The following CFAP100 variants were observed in gnomAD, a reference collection of about 807,000 sequenced individuals.
The protein encoded by CFAP100 is cilia and flagella associated protein 100, also known as cilia- and flagella-associated protein 100.
Under a neutral mutation model 81.5 loss-of-function variants are expected in CFAP100, and 70 were observed. The observed-to-expected ratio is 0.86, with a 90% CI of 0.71 to 1.05. The LOEUF (loss-of-function observed/expected upper bound fraction) is 1.05, where lower values mean the gene tolerates loss of function less well. Among genes scored for constraint, CFAP100 ranks in the 50% least tolerant of loss-of-function variants. The pLI is 0.00. For missense variants in CFAP100, 811 were observed against 776.5 expected (o/e 1.04, Z -0.53); for synonymous variants, 341 against 314.8 (o/e 1.08, Z -0.88).
chr3:126,399,304 A>G (rs1038667744), intron 2 of CFAP100, among the ~76,000 whole-genome samples: 5 of 152,188 alleles, frequency 3.3e-5, no homozygotes, highest in African/African-American at 1.2e-4. Flanking sequence ...AAAACCTGTT[A>G]GCCTGCAAGC....
At chr3:126,415,624 G>A (rs2083223519) in intron 4 of CFAP100, among the ~76,000 whole-genome samples, 2 of 152,206 alleles carry the variant, frequency 1.3e-5, no homozygotes, top group Non-Finnish European at 2.9e-5. Flanking sequence ...GTAGGTCCCA[G>A]CAGGAAACGG....
chr3:126,404,810 G>A (rs2083038356), intron 2 of CFAP100, among the ~76,000 whole-genome samples: 1 of 152,134 alleles, frequency 6.6e-6, no homozygotes, highest in Admixed American at 6.5e-5. Flanking sequence ...AATGAGCTGG[G>A]ACTACAGGTG....
Position 126,416,414 on chromosome 3 carries a change from G to A in CFAP100, c.324G>A (p.Leu108=), listed in dbSNP as rs1417778454. The change falls in exon 5 of 17, where the codon CTG becomes CTA. Residue 108 remains leucine, a synonymous_variant. Coordinates refer to ENST00000352312, the MANE Select transcript of CFAP100 (RefSeq NM_182628.3). ...KHTSLRRQLQ[L]EDKQEDLEAR... is the part of the protein sequence containing the mutation. Reference sequence around the variant, plus strand: ...CCAGCCTGCGGCGGCAGCTGCAGCTGGAGGACAAGCAGGAGGACCTGGAGG... The same window carrying A: ...CCAGCCTGCGGCGGCAGCTGCAGCTAGAGGACAAGCAGGAGGACCTGGAGG... The A allele has an allele frequency of 6.2e-7, 1 of 1,612,034 alleles. No individual in the cohort carries two copies. Among genetic ancestry groups the A allele is most frequent in the Admixed American group, 1.7e-5 (1 of 59,928 alleles).
At position 126,433,207 on chromosome 3, in the gene CFAP100, A is replaced by T. The variant is rs1273449078; in HGVS notation, c.1422+3A>T. The stretch of plus-strand genomic sequence containing the variant: ...GCGAGTACAAGGGCGATCAGCAGGT[A>T]GGCTGGGGATCAAGGTGGCCAGAGG... On this transcript the variant is annotated splice_donor_region_variant and intron_variant, in intron 14 of 16. Coordinates refer to ENST00000352312, the MANE Select transcript of CFAP100 (RefSeq NM_182628.3). 6.2e-7 allele frequency: 1 copy of T among 1,614,096 alleles called. No individual in the cohort carries two copies. Among genetic ancestry groups the T allele is most frequent in the Non-Finnish European group, 8.5e-7 (1 of 1,179,960 alleles).
At chr3:126,435,804 TC>T in intron 16 of CFAP100, 152 bp downstream of exon 16, 1 of 603,500 alleles carries the variant, frequency 1.7e-6, no homozygotes, top group Non-Finnish European at 2.9e-6. Flanking sequence ...GCAAGGCCTC[TC>T]CCAGGACCTG....
intron 2 of CFAP100, among the ~76,000 whole-genome samples, chr3:126,398,944 C>T (rs766385362): frequency 1.3e-5 from 2 of 152,144 alleles, no homozygotes; most frequent in Non-Finnish European, 2.9e-5. Flanking sequence ...TCCATCCATT[C>T]CTGCAGCCCT....
At chr3:126,418,926 T>G in intron 7 of CFAP100, 150 bp from the exon 8 acceptor site, 1 of 1,077,150 alleles carries the variant, frequency 9.3e-7, no homozygotes, top group Non-Finnish European at 1.3e-6. Context: ...CAGGGGACAC[T>G]ACGGGCAAAA....
chr3:126,405,410 C>T (rs1198276431), intron 2 of CFAP100, among the ~76,000 whole-genome samples: 1 of 152,228 alleles, frequency 6.6e-6, no homozygotes. Flanking sequence ...CACCTATAAT[C>T]CCAGCCCTTT....
chr3:126,403,046 T>A (rs192529154), intron 2 of CFAP100, among the ~76,000 whole-genome samples: 2 of 151,790 alleles, frequency 1.3e-5, no homozygotes, highest in East Asian at 3.9e-4. Flanking sequence ...TGCTGTTTGC[T>A]GAGATGGCCA....
At chr3:126,424,247 G>A (rs1214763981) in intron 13 of CFAP100, among the ~76,000 whole-genome samples, 1 of 152,252 alleles carries the variant, frequency 6.6e-6, no homozygotes, top group Non-Finnish European at 1.5e-5. Context: ...CCATCCTGCA[G>A]GCTGGGGCTA....
At chr3:126,402,801 C>T (rs990146675) in intron 2 of CFAP100, among the ~76,000 whole-genome samples, 2 of 149,978 alleles carry the variant, frequency 1.3e-5, no homozygotes, top group South Asian at 2.1e-4. Context: ...CAGGAGTTTA[C>T]TGCCTGGGGG....
intron 2 of CFAP100, among the ~76,000 whole-genome samples, chr3:126,398,431 G>A (rs183131926): frequency 3.8e-4 from 58 of 152,392 alleles, no homozygotes; most frequent in African/African-American, 1.3e-3. Context: ...GACTCCAGAA[G>A]GAGCAGGTTG....
In CFAP100 at chr3:126,434,227, T is replaced by C. The variant is rs980193370; in HGVS notation, c.1474T>C (p.Cys492Arg). The C allele has an allele frequency of 1.2e-6, 2 of 1,613,842 alleles. No individual in the cohort carries two copies. Among genetic ancestry groups the C allele is most frequent in the South Asian group, 1.1e-5 (1 of 91,052 alleles). ...CAAGGTGCTGGATGTGTACCGGCACTGCACCGGCACCCAGCAGGAGGCCAA... is the reference window on the plus strand; with the variant it reads ...CAAGGTGCTGGATGTGTACCGGCACCGCACCGGCACCCAGCAGGAGGCCAA... ...NCKVLDVYRH[C>R]TGTQQEANLG... The change falls in exon 15 of 17, where the codon TGC becomes CGC. Residue 492 changes from cysteine to arginine, a missense_variant. By Grantham distance (180) the Cys-to-Arg change is radical. Transcript: ENST00000352312.
intron 3 of CFAP100, among the ~76,000 whole-genome samples, chr3:126,411,555 T>G (rs912130673): frequency 6.6e-6 from 1 of 151,926 alleles, no homozygotes; most frequent in African/African-American, 2.4e-5. Flanking sequence ...GCTTTTTTTT[T>G]GTTGGCAATT....
In CFAP100 at chr3:126,407,265, C is replaced by T. The variant is rs370052283; in HGVS notation, c.130+13C>T. 6.2e-7 allele frequency: 1 copy of T among 1,605,810 alleles called. No homozygotes were observed. Among genetic ancestry groups the T allele is most frequent in the East Asian group, 2.2e-5 (1 of 44,862 alleles). On this transcript the variant is annotated intron_variant, in intron 3 of 16. Transcript: ENST00000352312. ...AGAAAAAACGAAGGTAACCTTCAAG[C>T]TGGGAGGCTAAAGTCCAAGTTGGCA...
chr3:126,413,921 G>T (rs535192579), intron 3 of CFAP100, among the ~76,000 whole-genome samples, 164 bp from the exon 4 acceptor site: 4 of 151,888 alleles, frequency 2.6e-5, no homozygotes, highest in African/African-American at 9.7e-5. Context: ...TGCTGGAGGT[G>T]GAAGGTCCAG....
Position 126,416,300 on chromosome 3 carries a change from G to C in CFAP100, c.226-16G>C, listed in dbSNP as rs1340288686. 1 of 1,574,010 alleles carries C rather than the reference G, an allele frequency of 6.4e-7. No individual in the cohort carries two copies. On this transcript the variant is annotated splice_polypyrimidine_tract_variant and intron_variant, in intron 4 of 16. Transcript: ENST00000352312. The stretch of plus-strand genomic sequence containing the variant: ...GGGGAGCCTGGGCCCCGCCCGACTT[G>C]GCCCGACGCCCCCAGGAACGGCAGC...
At chr3:126,407,111 T>C in intron 2 of CFAP100, 61 bp from the exon 3 acceptor site, 1 of 1,193,164 alleles carries the variant, frequency 8.4e-7, no homozygotes, top group Non-Finnish European at 1.2e-6. Context: ...TCAGGCTGTG[T>C]TCACAGTTCT....
At chr3:126,414,976 G>A (rs1018226978) in intron 4 of CFAP100, among the ~76,000 whole-genome samples, 2 of 152,178 alleles carry the variant, frequency 1.3e-5, no homozygotes, top group African/African-American at 4.8e-5. Context: ...AGATGCACAG[G>A]CTTCAGCCCT....
Sources: gnomAD v4.1 joint callset for allele counts (sites outside exome capture counted in the v4.1 genomes callset) on GRCh38, gnomAD v4.1.1 for gene constraint, MANE v1.5 for transcripts, NCBI Gene and HGNC (gene_info 2026-07-23, HGNC 2026-07-21) for gene names.